The following BICD1 variants were observed in gnomAD, a reference collection of about 807,000 sequenced individuals.
The protein encoded by BICD1 is protein bicaudal D homolog 1.
In BICD1, 35 loss-of-function variants were observed where a neutral mutation model predicts 92.5. The ratio of observed to expected loss-of-function variants is 0.38; its 90% CI spans 0.29 to 0.50. The LOEUF is 0.50. BICD1 is among the 20% of genes least tolerant of loss of function. The pLI is 0.93. For synonymous variants in BICD1, 429 were observed against 465.1 expected, an observed-to-expected ratio of 0.92 and a Z score of 1.00; for missense variants, 950 against 1,189.8, an observed-to-expected ratio of 0.80 and a Z score of 2.97.
chr12:32,140,546 A>G (rs1423326447), intron 1 of BICD1, among the ~76,000 whole-genome samples: 1 of 152,152 alleles, frequency 6.6e-6, no homozygotes, highest in African/African-American at 2.4e-5. Context: ...CAGTGGCGCA[A>G]TCTCAGCTCA....
intron 1 of BICD1, among the ~76,000 whole-genome samples, chr12:32,131,668 A>G (rs1254040443): frequency 6.6e-6 from 1 of 152,234 alleles, no homozygotes; most frequent in Non-Finnish European, 1.5e-5. Context: ...ACTAGAAATG[A>G]TAACTACGAG....
chr12:32,299,378 G>A (rs1313640071), intron 3 of BICD1, among the ~76,000 whole-genome samples: 2 of 152,176 alleles, frequency 1.3e-5, no homozygotes, highest in Non-Finnish European at 2.9e-5. Flanking sequence ...GCACAGAAAG[G>A]AGTGATGAGT....
intron 8 of BICD1, among the ~76,000 whole-genome samples, chr12:32,356,423 G>A (rs1222942008): frequency 6.6e-6 from 1 of 152,156 alleles, no homozygotes; most frequent in Non-Finnish European, 1.5e-5. Flanking sequence ...AGGCTGAGGC[G>A]AGCGGATCGT....
chr12:32,182,261 T>TCTTC (rs1944291009), intron 1 of BICD1, among the ~76,000 whole-genome samples: 1 of 125,354 alleles, frequency 8.0e-6, no homozygotes, highest in Admixed American at 9.7e-5. Flanking sequence ...TTTTCTTTTT[T>TCTTC]CTTTCTTTCT....
At chr12:32,347,828 A>G (rs1221327078) in intron 8 of BICD1, among the ~76,000 whole-genome samples, 1 of 152,126 alleles carries the variant, frequency 6.6e-6, no homozygotes, top group East Asian at 1.9e-4. Context: ...GTAAAAGCCC[A>G]TGTTTCTTAT....
At chr12:32,271,870 T>C (rs1169502896) in intron 2 of BICD1, among the ~76,000 whole-genome samples, 2 of 152,196 alleles carry the variant, frequency 1.3e-5, no homozygotes, top group African/African-American at 4.8e-5. Context: ...ACTTACTGCC[T>C]GAAGCCAAGA....
chr12:32,322,530 C>T (rs1036165212), intron 4 of BICD1, among the ~76,000 whole-genome samples: 3 of 152,150 alleles, frequency 2.0e-5, no homozygotes, highest in Non-Finnish European at 2.9e-5. Context: ...AGAGCTCAGG[C>T]GGTAATGTTT....
chr12:32,140,108 T>A (rs1942862979), intron 1 of BICD1, among the ~76,000 whole-genome samples: 1 of 152,172 alleles, frequency 6.6e-6, no homozygotes, highest in Admixed American at 6.5e-5. Context: ...GCTGGAGAAG[T>A]ACCACTGCCT....
intron 1 of BICD1, among the ~76,000 whole-genome samples, chr12:32,208,611 A>C (rs1261694792): frequency 6.6e-6 from 1 of 152,080 alleles, no homozygotes; most frequent in Non-Finnish European, 1.5e-5. Context: ...CGCATCATGG[A>C]AACTGGTTTC....
At chr12:32,228,999 C>A (rs1945788964) in intron 2 of BICD1, among the ~76,000 whole-genome samples, 1 of 152,018 alleles carries the variant, frequency 6.6e-6, no homozygotes, top group Non-Finnish European at 1.5e-5. Flanking sequence ...CCTGTAATCC[C>A]AGCACTTTGG....
chr12:32,303,317 T>C (rs1235386249), intron 3 of BICD1, among the ~76,000 whole-genome samples: 1 of 152,210 alleles, frequency 6.6e-6, no homozygotes, highest in African/African-American at 2.4e-5. Context: ...TATTCACATA[T>C]ACAACTGGCA....
intron 1 of BICD1, among the ~76,000 whole-genome samples, chr12:32,165,400 C>T (rs149646434): frequency 0.013 from 1,935 of 152,214 alleles, 42 homozygotes; most frequent in African/African-American, 0.044. Context: ...CTTGTAGTCC[C>T]AGCTACTCGG....
chr12:32,273,540 G>C (rs1355705369), intron 2 of BICD1, among the ~76,000 whole-genome samples: 1 of 152,146 alleles, frequency 6.6e-6, no homozygotes, highest in Non-Finnish European at 1.5e-5. Context: ...GTACAGAAAA[G>C]CCATTATACC....
At chr12:32,202,808 G>A (rs1032818703) in intron 1 of BICD1, among the ~76,000 whole-genome samples, 1 of 151,942 alleles carries the variant, frequency 6.6e-6, no homozygotes. Flanking sequence ...ATGGGGTCTC[G>A]CCATGTTGCC....
At chr12:32,161,839 G>A (rs944376875) in intron 1 of BICD1, among the ~76,000 whole-genome samples, 5 of 152,092 alleles carry the variant, frequency 3.3e-5, no homozygotes, top group African/African-American at 1.2e-4. Flanking sequence ...GGCACTGGAT[G>A]AATATTTTTT....
At chr12:32,376,657 C>G (rs967636630) in intron 9 of BICD1, among the ~76,000 whole-genome samples, 2 of 151,960 alleles carry the variant, frequency 1.3e-5, no homozygotes, top group African/African-American at 4.8e-5. Context: ...CACCAGAGGT[C>G]AGGAGTTCGA....
intron 1 of BICD1, among the ~76,000 whole-genome samples, chr12:32,166,138 A>ATTTATTTATTT (rs1555140608): frequency 0.29 from 41,647 of 143,658 alleles, 6,595 homozygotes; most frequent in Middle Eastern, 0.46. Context: ...TTATTTATTT[A>ATTTATTTATTT]TTTATTTATT....
At chr12:32,173,134 G>A (rs1943997373) in intron 1 of BICD1, among the ~76,000 whole-genome samples, 2 of 151,666 alleles carry the variant, frequency 1.3e-5, no homozygotes, top group Admixed American at 6.6e-5. Context: ...TGCAACCTCC[G>A]CCTCCAGGGT....
chr12:32,342,204 GTA>G (rs3075972), intron 8 of BICD1, among the ~76,000 whole-genome samples: 23,863 of 118,990 alleles, frequency 0.2, 2,253 homozygotes, highest in African/African-American at 0.24. Context: ...GTGTGTGTGT[GTA>G]TATATATATA....
Sources: allele counts gnomAD v4.1 joint callset (sites outside exome capture counted in the v4.1 genomes callset), GRCh38; gene constraint gnomAD v4.1.1; transcripts MANE v1.5; gene names NCBI Gene and HGNC (gene_info 2026-07-23, HGNC 2026-07-21).